CEP290: variants seen among roughly 807,000 people sequenced by gnomAD.
CEP290 encodes the protein centrosomal protein of 290 kDa.
CEP290 carries 317 observed loss-of-function variants against 344.9 expected under a neutral mutation model. The observed-to-expected ratio is 0.92, with a 90% CI of 0.84 to 1.01. The LOEUF (loss-of-function observed/expected upper bound fraction) is 1.01. Ranked by LOEUF, CEP290 falls within the 50% of genes least tolerant of loss-of-function variation. The pLI is 0.00. For missense variants in CEP290, 2,754 were observed against 2,761.4 expected (o/e 1.00, Z 0.06); for synonymous variants, 932 against 895.8 (o/e 1.04, Z -0.72).
intron 43 of CEP290, 56 bp downstream of exon 43, chr12:88,071,238 A>AG: frequency 7.3e-7 from 1 of 1,364,892 alleles, no homozygotes; most frequent in East Asian, 2.3e-5. Context: ...TTCAATTTCT[A>AG]GGGGTCAACC....
intron 44 of CEP290, 46 bp from the exon 45 acceptor site, chr12:88,064,161 A>G: frequency 6.9e-7 from 1 of 1,445,532 alleles, no homozygotes. Flanking sequence ...TTAATAAATA[A>G]AAGCCATAAA....
At chr12:88,128,139 C>T (rs1565911765) in intron 11 of CEP290, among the ~76,000 whole-genome samples, 2 of 152,098 alleles carry the variant, frequency 1.3e-5, no homozygotes, top group Admixed American at 6.6e-5. Flanking sequence ...ATGCTATAAG[C>T]AGAGTTTAGT....
At chr12:88,063,158 GAA>G (rs1020501560) in intron 45 of CEP290, among the ~76,000 whole-genome samples, 1 of 138,300 alleles carries the variant, frequency 7.2e-6, no homozygotes, top group African/African-American at 2.6e-5. Context: ...AAAAAAAAAG[GAA>G]AAAAAGTGCG....
chr12:88,115,431 T>C (rs1565891574), intron 18 of CEP290: 1 of 1,211,700 alleles, frequency 8.3e-7, no homozygotes, highest in Non-Finnish European at 1.1e-6. Context: ...ACGGTTTTTG[T>C]CTTTAGTACC....
At chr12:88,120,970 C>T (rs777290458) in intron 14 of CEP290, 27 bp downstream of exon 14, 2 of 1,591,536 alleles carry the variant, frequency 1.3e-6, no homozygotes, top group South Asian at 1.1e-5. Flanking sequence ...TTCTAAGCTC[C>T]TTGAATGACA....
intron 25 of CEP290, chr12:88,103,435 A>C (rs2038049757): frequency 6.5e-6 from 1 of 153,478 alleles, no homozygotes; most frequent in Non-Finnish European, 1.4e-5. Flanking sequence ...ATTGTAAGTT[A>C]AACGGACTAG....
chr12:88,053,673 C>T lies in CEP290; in HGVS notation c.7108G>A (p.Gly2370Arg). ...TTACCAGGTATGGTGCTTTCAGCTC[C>T]ACTTTGGTCCTTGTTAGCTTCTATC... is the stretch of plus-strand genomic sequence containing the variant. The part of the protein sequence containing the change: ...HQIEANKDQS[G>R]AESTIPDADQ... Residue 2370 changes from glycine (G) to arginine (R), a missense_variant, in exon 52 of 54, where the codon GGA becomes AGA. Gly to Arg is a moderately radical substitution (Grantham distance 125, BLOSUM62 -2). Transcript: ENST00000552810. The T allele has an allele frequency of 6.5e-7, 1 of 1,540,326 alleles. No individual in the cohort carries two copies. The highest frequency in any genetic ancestry group is 8.8e-7 in the Non-Finnish European group (1 of 1,136,200).
At chr12:88,115,595 A>T in intron 18 of CEP290, 1 of 1,243,942 alleles carries the variant, frequency 8.0e-7, no homozygotes, top group African/African-American at 1.5e-5. Flanking sequence ...AATAAATTAG[A>T]CAAGTCAATG....
In CEP290 at chr12:88,118,562, A is replaced by G. The variant is rs1172780916; in HGVS notation, c.1632T>C (p.Ser544=). ...ENQILLKEIE[S]LEEERLDLKK... is the part of the protein sequence containing the mutation. ...TCAGATCAAGTCGTTCTTCCTCTAG[A>G]CTTTCAATCTGCAAAGTATAAATTA... The change falls in exon 17 of 54, where the codon AGT becomes AGC. Residue 544 remains serine, a synonymous_variant. Transcript: ENST00000552810. The G allele has an allele frequency of 6.3e-7, 1 of 1,598,034 alleles. No individual in the cohort carries two copies. Among genetic ancestry groups the G allele is most frequent in the African/African-American group, 1.3e-5 (1 of 74,676 alleles).
At chr12:88,072,571 C>CTTATGGTGGCTCATACCTG (rs2035461154) in intron 41 of CEP290, among the ~76,000 whole-genome samples, 1 of 152,130 alleles carries the variant, frequency 6.6e-6, no homozygotes, top group Non-Finnish European at 1.5e-5. Context: ...AATGAAGATT[C>CTTATGGTGGCTCATACCTG]TAATACAATC....
chr12:88,081,128 G>A (rs1411052159), intron 37 of CEP290, among the ~76,000 whole-genome samples: 1 of 152,088 alleles, frequency 6.6e-6, no homozygotes, highest in Admixed American at 6.5e-5. Context: ...ATGATAGGAT[G>A]TTTAGCAGCA....
At chr12:88,113,150 T>G (rs940855331) in intron 20 of CEP290, among the ~76,000 whole-genome samples, 1 of 152,096 alleles carries the variant, frequency 6.6e-6, no homozygotes, top group African/African-American at 2.4e-5. Flanking sequence ...AAACAGTGGC[T>G]TCAGGAAGGT....
In CEP290 at chr12:88,073,761, A is replaced by G. The variant is rs147945852; in HGVS notation, c.5710-1835T>C. Among the ~76,000 whole-genome samples the G allele has an allele frequency of 7.8e-3, 1,184 of 152,186 alleles. 20 individuals carry two copies. Among genetic ancestry groups the G allele is most frequent in the African/African-American group, 0.027 (1,117 of 41,536 alleles). ...AGCCAGGGCAACATAGTAAGACGTC[A>G]TCTCAAAAAATTAAAAAAATATGAA... On this transcript the variant is annotated intron_variant, in intron 41 of 53. Transcript: ENST00000552810.
chr12:88,121,255 T>A, intron 13 of CEP290, 89 bp from the exon 14 acceptor site: 1 of 916,140 alleles, frequency 1.1e-6, no homozygotes, highest in Non-Finnish European at 1.6e-6. Context: ...AAAAGTGGTA[T>A]GCCATTAAAA....
At chr12:88,094,576 T>G (rs1259290566) in intron 27 of CEP290, among the ~76,000 whole-genome samples, 2 of 152,076 alleles carry the variant, frequency 1.3e-5, no homozygotes, top group Non-Finnish European at 2.9e-5. Context: ...CAGCTTGTCT[T>G]TGGACACAAA....
At chr12:88,135,111 T>C (rs1187440925) in intron 6 of CEP290, among the ~76,000 whole-genome samples, 1 of 152,116 alleles carries the variant, frequency 6.6e-6, no homozygotes, top group Non-Finnish European at 1.5e-5. Context: ...CAGAACATAG[T>C]TGCCCACTAT....
intron 17 of CEP290, among the ~76,000 whole-genome samples, chr12:88,118,050 A>G (rs2039162281): frequency 6.6e-6 from 1 of 151,432 alleles, no homozygotes; most frequent in Non-Finnish European, 1.5e-5. Flanking sequence ...AATATTAATA[A>G]TAATAATAAT....
chr12:88,052,253 T>C (rs2033613790), intron 52 of CEP290, among the ~76,000 whole-genome samples: 1 of 152,096 alleles, frequency 6.6e-6, no homozygotes, highest in Non-Finnish European at 1.5e-5. Flanking sequence ...GGCATCTCTA[T>C]CATCCTATCA....
chr12:88,084,726 G>A lies in CEP290; in HGVS notation c.4564C>T (p.Leu1522=). 6.2e-7 allele frequency: 1 copy of A among 1,613,698 alleles called. No individual in the cohort carries two copies. Among genetic ancestry groups the A allele is most frequent in the Non-Finnish European group, 8.5e-7 (1 of 1,179,728 alleles). The change falls in exon 35 of 54, where the codon CTA becomes TTA. Residue 1522 remains leucine (L), a synonymous_variant. Transcript: ENST00000552810. ...TTTGGTTCCATCTCTTTTCTGCCTA[G>A]CTCAGCTATGAGCTTTTCTCTTTCT... The part of the protein sequence containing the change: ...TAEREKLIAE[L]GRKEMEPKSH...
Sources: allele counts gnomAD v4.1 joint callset (sites outside exome capture counted in the v4.1 genomes callset), GRCh38; gene constraint gnomAD v4.1.1; transcripts MANE v1.5; gene names NCBI Gene and HGNC (gene_info 2026-07-23, HGNC 2026-07-21).